CEP19: variants seen among roughly 807,000 people sequenced by gnomAD.
The protein encoded by CEP19 is centrosomal protein 19.
Under a neutral mutation model 17.5 loss-of-function variants are expected in CEP19, and 14 were observed. That is an observed-to-expected ratio of 0.80 (90% CI 0.53 to 1.25). The LOEUF is 1.25. Among genes scored for constraint, CEP19 ranks in the 50% most tolerant of loss-of-function variants. The pLI is 0.00. For missense variants in CEP19, 193 were observed against 192.0 expected, an observed-to-expected ratio of 1.01 and a Z score of -0.03; for synonymous variants, 59 against 65.5, an observed-to-expected ratio of 0.90 and a Z score of 0.48.
chr3:196,707,805 A>T lies in CEP19; in HGVS notation c.238T>A (p.Tyr80Asn), dbSNP rs781512914. 3.1e-6 allele frequency: 5 copies of T among 1,614,174 alleles called. No individual in the cohort carries two copies. The highest frequency in any genetic ancestry group is 4.2e-6 in the Non-Finnish European group (5 of 1,180,026). The change falls in exon 3 of 3, where the codon TAC (tyrosine) becomes AAC (asparagine). Residue 80 changes from tyrosine to asparagine, a missense_variant. Coordinates refer to ENST00000409690, the MANE Select transcript of CEP19 (RefSeq NM_032898.5). ...TCTGCCAGACTCTGCCCCGACAAGTAACCTCGTAAAAAACTGAATAGCTTC... is the reference window on the plus strand; with the variant it reads ...TCTGCCAGACTCTGCCCCGACAAGTTACCTCGTAAAAAACTGAATAGCTTC... ...LEKLFSFLRG[Y>N]LSGQSLAETM... is the part of the protein sequence containing the mutation.
rs78472629 is a variant in CEP19 at position 196,708,709 on chromosome 3, G to T, written c.-52C>A. The T allele has an allele frequency of 3.2e-3, 5,054 of 1,584,664 alleles. 85 individuals carry two copies. The African/African-American group carries it at 0.04, about 13-fold the overall frequency. On this transcript the variant is annotated 5_prime_UTR_variant, in exon 2 of 3. Transcript: ENST00000409690. The stretch of plus-strand genomic sequence containing the variant: ...GAGGAAATCTGATGAATATGTGTAA[G>T]TTGCATAATGACTTCCTGCTAAAGG...
rs144655408 is a variant in CEP19 at position 196,710,192 on chromosome 3, G to A, written c.-70-1465C>T. The stretch of plus-strand genomic sequence containing the variant: ...CTGCTAAATGTTTTATTTTATGGAT[G>A]TACTATAATCATATTATTCACCACT... On this transcript the variant is annotated intron_variant, in intron 1 of 2. Transcript: ENST00000409690. Among the ~76,000 whole-genome samples the A allele has an allele frequency of 3.3e-4, 50 of 152,116 alleles. No individual in the cohort carries two copies. The East Asian group carries it at 7.1e-3, about 22-fold the overall frequency.
Position 196,707,863 on chromosome 3 carries a change from A to T in CEP19, c.180T>A (p.Ser60Arg). The change falls in exon 3 of 3, where the codon AGT becomes AGA. Residue 60 changes from serine to arginine, a missense_variant. Physicochemically the swap from Ser to Arg is moderately radical, Grantham distance 110 (BLOSUM62 -1). Coordinates refer to ENST00000409690, the MANE Select transcript of CEP19 (RefSeq NM_032898.5). ...EQLKNNPRHK[S>R]YLEQVSLRQL... ...GCCTCAGGGATACTTGTTCTAGGTA[A>T]CTCTTGTGTCGCGGATTATTCTTTA... The T allele has an allele frequency of 1.2e-6, 2 of 1,613,700 alleles. No homozygotes were observed.
chr3:196,708,730 A>G lies in CEP19; in HGVS notation c.-70-3T>C. ...GTAAGTTGCATAATGACTTCCTGCT[A>G]AAGGGAAAAAACAACTAGGTGTTGG... On this transcript the variant is annotated splice_polypyrimidine_tract_variant and splice_region_variant and intron_variant, in intron 1 of 2. Transcript: ENST00000409690. 6.7e-7 allele frequency: 1 copy of G among 1,492,136 alleles called. No individual in the cohort carries two copies. The highest frequency in any genetic ancestry group is 1.2e-5 in the South Asian group (1 of 85,382). 92.4% of individuals were successfully genotyped at this position (1,492,136 alleles called of 1,614,324 possible). A position where few individuals can be genotyped will look rare whatever the true frequency, so the allele number is the denominator to read the frequency against.
intron 1 of CEP19, 56 bp downstream of exon 1, chr3:196,711,873 A>G (rs7629566): frequency 0.13 from 93,457 of 716,828 alleles, 10,980 homozygotes; most frequent in East Asian, 0.56. Context: ...GTCCCCAAAG[A>G]GTAGACGATT....
At chr3:196,711,491 A>G (rs1711780708) in intron 1 of CEP19, among the ~76,000 whole-genome samples, 1 of 151,992 alleles carries the variant, frequency 6.6e-6, no homozygotes, top group Non-Finnish European at 1.5e-5. Context: ...ATGCCCAGCT[A>G]ATCTTTGTAT....
Position 196,707,759 on chromosome 3 carries a change from C to T in CEP19, c.284G>A (p.Arg95Gln), listed in dbSNP as rs145982014. The change falls in exon 3 of 3, where the codon CGG becomes CAG. Residue 95 changes from arginine (R) to glutamine (Q), a missense_variant. Coordinates refer to ENST00000409690, the MANE Select transcript of CEP19 (RefSeq NM_032898.5). Reference protein sequence around the residue: ...SLAETMEQIQRETTIDPEEDL... With the variant: ...SLAETMEQIQQETTIDPEEDL... ...TTCCTCAGGATCAATGGTTGTTTCC[C>T]GTTGAATTTGTTCCATTGTTTCTGC... 1.5e-5 allele frequency: 24 copies of T among 1,614,112 alleles called. No homozygotes were observed. Among genetic ancestry groups the T allele is most frequent in the African/African-American group, 4.0e-5 (3 of 75,014 alleles).
intron 1 of CEP19, among the ~76,000 whole-genome samples, chr3:196,711,136 ATTTAAC>A (rs2078865426): frequency 6.6e-6 from 1 of 151,988 alleles, no homozygotes; most frequent in South Asian, 2.1e-4. Flanking sequence ...TCTTTTTAAA[ATTTAAC>A]TTTAATTTTT....
intron 1 of CEP19, among the ~76,000 whole-genome samples, chr3:196,709,761 C>T (rs892215553): frequency 1.3e-5 from 2 of 152,124 alleles, no homozygotes; most frequent in African/African-American, 4.8e-5. Flanking sequence ...CTTTCCCCAC[C>T]CTCAGTGCCC....
At position 196,706,340 on chromosome 3, in the gene CEP19, A is replaced by G. The variant is rs1711518698; in HGVS notation, c.*1211T>C. On this transcript the variant is annotated 3_prime_UTR_variant, in exon 3 of 3. Coordinates refer to ENST00000409690, the MANE Select transcript of CEP19 (RefSeq NM_032898.5). ...TTGTAGAAAACATAGAATTTCTACC[A>G]ACTAAACAATATTGTAATAAGGATA... The G allele has an allele frequency of 6.6e-6, 1 of 152,230 alleles. No individual in the cohort carries two copies. Among genetic ancestry groups the G allele is most frequent in the South Asian group, 2.1e-4 (1 of 4,826 alleles). 9.4% of individuals were successfully genotyped at this position (152,230 alleles called of 1,614,324 possible). A position where few individuals can be genotyped will look rare whatever the true frequency, so the allele number is the denominator to read the frequency against.
At chr3:196,711,903 C>T (rs374302541) in intron 1 of CEP19, 26 bp downstream of exon 1, 15 of 717,344 alleles carry the variant, frequency 2.1e-5, no homozygotes, top group Non-Finnish European at 2.6e-5. Flanking sequence ...CTCACGTCTC[C>T]ACTAGTGCAA....
chr3:196,708,852 TTAAAATTAAAATACGGACTGC>T, intron 1 of CEP19, 125 bp from the exon 2 acceptor site: 1 of 566,674 alleles, frequency 1.8e-6, no homozygotes, highest in Non-Finnish European at 3.1e-6. Flanking sequence ...CTCATTTTTT[TTAAAATTAAAATACGGACTGC>T]TTCATGAATT....
At chr3:196,710,865 A>C (rs1377160122) in intron 1 of CEP19, among the ~76,000 whole-genome samples, 29 of 140,882 alleles carry the variant, frequency 2.1e-4, no homozygotes, top group Admixed American at 1.6e-3. Context: ...AAAAAAAAAA[A>C]AAACTACTTT....
At chr3:196,710,862 A>C (rs905262598) in intron 1 of CEP19, among the ~76,000 whole-genome samples, 10 of 149,816 alleles carry the variant, frequency 6.7e-5, no homozygotes, top group East Asian at 2.0e-4. Flanking sequence ...AAAAAAAAAA[A>C]AAAAAACTAC....
In CEP19 at chr3:196,706,720, A is replaced by G. The variant is rs146272086; in HGVS notation, c.*831T>C. 1 of 151,978 alleles carries G rather than the reference A, an allele frequency of 6.6e-6. No homozygotes were observed. The allele number at this position is 151,978 out of a possible 1,614,324, so 9.4% of individuals were successfully genotyped here. On this transcript the variant is annotated 3_prime_UTR_variant, in exon 3 of 3. Coordinates refer to ENST00000409690, the MANE Select transcript of CEP19 (RefSeq NM_032898.5). ...TCCCCCAATCTTGTCTTGTCAAACT[A>G]TAATTTGCTTATGGTTCCTCAAAAA...
chr3:196,707,110 AAC>A lies in CEP19; in HGVS notation c.*439_*440del, dbSNP rs1317333886. ...CAATGGCGCGATCTCGGCTCACTGC[AAC>A]CTCAGCCTCCCAGGTTCAAGCGAAT... is the stretch of plus-strand genomic sequence containing the variant. On this transcript the variant is annotated 3_prime_UTR_variant, in exon 3 of 3. Coordinates refer to ENST00000409690, the MANE Select transcript of CEP19 (RefSeq NM_032898.5). 6.7e-6 allele frequency: 1 copy of A among 148,336 alleles called. No individual in the cohort carries two copies. The highest frequency in any genetic ancestry group is 2.0e-4 in the East Asian group (1 of 4,894). 9.2% of individuals were successfully genotyped at this position (148,336 alleles called of 1,614,324 possible). A position where few individuals can be genotyped will look rare whatever the true frequency, so the allele number is the denominator to read the frequency against.
chr3:196,707,968 C>T, intron 2 of CEP19, 56 bp from the exon 3 acceptor site: 1 of 1,534,870 alleles, frequency 6.5e-7, no homozygotes, highest in Non-Finnish European at 8.7e-7. Context: ...TCATATACGC[C>T]ATAAACTACT....
Position 196,707,925 on chromosome 3 carries a change from A to G in CEP19, c.131-13T>C. On this transcript the variant is annotated splice_polypyrimidine_tract_variant and intron_variant, in intron 2 of 2. Coordinates refer to ENST00000409690, the MANE Select transcript of CEP19 (RefSeq NM_032898.5). ...GCTCTGGTGCAATCTGGGAGAGAGA[A>G]GAAAACTATATACCACATACGTACC... 6.2e-7 allele frequency: 1 copy of G among 1,604,328 alleles called. No homozygotes were observed. The highest frequency in any genetic ancestry group is 1.1e-5 in the South Asian group (1 of 90,810).
At position 196,707,412 on chromosome 3, in the gene CEP19, A is replaced by G. The variant is rs543838784; in HGVS notation, c.*139T>C. On this transcript the variant is annotated 3_prime_UTR_variant, in exon 3 of 3. Coordinates refer to ENST00000409690, the MANE Select transcript of CEP19 (RefSeq NM_032898.5). ...TGCACCTACATAGTAGATGCTTTAA[A>G]TGTCCTGGTTTTGAAAAGTAACATG... 3.4e-5 allele frequency: 31 copies of G among 901,542 alleles called. No individual in the cohort carries two copies. In the African/African-American group the frequency reaches 5.0e-4, roughly 14 times the overall value. 55.8% of individuals were successfully genotyped at this position (901,542 alleles called of 1,614,324 possible).
Sources: allele counts gnomAD v4.1 joint callset (sites outside exome capture counted in the v4.1 genomes callset), GRCh38; gene constraint gnomAD v4.1.1; transcripts MANE v1.5; gene names NCBI Gene and HGNC (gene_info 2026-07-23, HGNC 2026-07-21).